The following GYPE variants were observed in gnomAD, a reference collection of about 807,000 sequenced individuals.
GYPE encodes the protein glycophorin-E.
A neutral mutation model predicts 11.6 loss-of-function variants in GYPE; 8 were observed. The ratio of observed to expected loss-of-function variants is 0.69; its 90% CI spans 0.41 to 1.25. The LOEUF (loss-of-function observed/expected upper bound fraction) is 1.25, where lower values mean the gene tolerates loss of function less well. GYPE is among the 50% of genes most tolerant of loss of function. GYPE has a pLI of 0.01. For synonymous variants in GYPE, 28 were observed against 29.6 expected (o/e 0.94, Z 0.18); for missense variants, 90 against 92.8 (o/e 0.97, Z 0.12).
chr4:143,901,433 T>C lies in GYPE; in HGVS notation c.37+4038A>G, dbSNP rs201117024. On this transcript the variant is annotated intron_variant, in intron 1 of 3. Transcript: ENST00000358615. ...AGTATTTAAAATGAGAAAAAAAAAA[T>C]AAAATCTTACAATCCCAACACTCAG... Among the ~76,000 whole-genome samples the C allele has an allele frequency of 4.1e-5, 5 of 121,498 alleles. No individual in the cohort carries two copies. In the East Asian group the frequency reaches 9.9e-4, roughly 24 times the overall value. 79.7% of individuals were successfully genotyped at this position (121,498 alleles called of 152,430 possible). A position where few individuals can be genotyped will look rare whatever the true frequency, so the allele number is the denominator to read the frequency against.
intron 1 of GYPE, among the ~76,000 whole-genome samples, chr4:143,903,946 G>A (rs190073406): frequency 6.6e-6 from 1 of 152,048 alleles, no homozygotes; most frequent in African/African-American, 2.4e-5. Flanking sequence ...ATCCAGTTTG[G>A]TTTGCCCCAT....
intron 1 of GYPE, among the ~76,000 whole-genome samples, chr4:143,883,550 TAA>T (rs1560941736): frequency 5.5e-4 from 10 of 18,080 alleles, no homozygotes; most frequent in African/African-American, 1.3e-3. Context: ...AATTATAAAT[TAA>T]TTTATAATTA....
intron 1 of GYPE, among the ~76,000 whole-genome samples, chr4:143,891,457 T>A (rs1191868557): frequency 6.6e-6 from 1 of 151,104 alleles, no homozygotes; most frequent in African/African-American, 2.4e-5. Flanking sequence ...GCCTCCCAAG[T>A]AGCTGGGACT....
intron 2 of GYPE, among the ~76,000 whole-genome samples, chr4:143,877,591 A>C (rs1459665137): frequency 3.3e-5 from 5 of 152,188 alleles, no homozygotes; most frequent in East Asian, 1.9e-4. Flanking sequence ...GCTAGACATA[A>C]AGGTAAAATG....
At chr4:143,872,427 AT>A (rs946508809) in intron 3 of GYPE, among the ~76,000 whole-genome samples, 175 bp from the exon 4 acceptor site, 3 of 151,998 alleles carry the variant, frequency 2.0e-5, no homozygotes, top group Non-Finnish European at 4.4e-5. Context: ...TAAAAAATTA[AT>A]TTTTTTTACC....
At chr4:143,904,151 G>C (rs1181996379) in intron 1 of GYPE, among the ~76,000 whole-genome samples, 6 of 151,452 alleles carry the variant, frequency 4.0e-5, no homozygotes, top group Admixed American at 3.9e-4. Context: ...TTTTCTCTCT[G>C]ACTTTTCAGA....
chr4:143,884,872 T>C (rs1423649155), intron 1 of GYPE, among the ~76,000 whole-genome samples: 2 of 96,888 alleles, frequency 2.1e-5, no homozygotes, highest in Non-Finnish European at 4.4e-5. Flanking sequence ...CACCAAATGC[T>C]GTGGGCCATG....
intron 1 of GYPE, among the ~76,000 whole-genome samples, chr4:143,898,382 T>C (rs1744741714): frequency 6.6e-6 from 1 of 152,084 alleles, no homozygotes; most frequent in Non-Finnish European, 1.5e-5. Flanking sequence ...ATCTTCAAAA[T>C]AAATCAATAA....
At chr4:143,905,210 A>G (rs1483242951) in intron 1 of GYPE, among the ~76,000 whole-genome samples, 1 of 152,234 alleles carries the variant, frequency 6.6e-6, no homozygotes, top group Non-Finnish European at 1.5e-5. Flanking sequence ...TGATAAAATT[A>G]GTTTAATTCT....
intron 3 of GYPE, chr4:143,875,318 T>G (rs1578951271): frequency 1.4e-6 from 1 of 719,728 alleles, no homozygotes; most frequent in Non-Finnish European, 2.3e-6. Context: ...ATGCAAATAA[T>G]TTGTATTTTG....
chr4:143,902,142 G>C (rs1744889941), intron 1 of GYPE, among the ~76,000 whole-genome samples: 1 of 152,110 alleles, frequency 6.6e-6, no homozygotes, highest in Middle Eastern at 3.4e-3. Context: ...CAAAATTCTG[G>C]TCATTTGTCA....
chr4:143,885,164 G>A (rs2149908756), intron 1 of GYPE, among the ~76,000 whole-genome samples: 1 of 152,152 alleles, frequency 6.6e-6, no homozygotes, highest in Admixed American at 6.6e-5. Context: ...AAAGGGGGCA[G>A]AAAATTACAG....
intron 1 of GYPE, among the ~76,000 whole-genome samples, chr4:143,882,632 CATGGG>C (rs1314406760): frequency 6.6e-6 from 1 of 152,202 alleles, no homozygotes; most frequent in Non-Finnish European, 1.5e-5. Flanking sequence ...GGCTCAGCTA[CATGGG>C]AATACAACTG....
At chr4:143,874,338 G>C (rs1743718452) in intron 3 of GYPE, among the ~76,000 whole-genome samples, 1 of 151,888 alleles carries the variant, frequency 6.6e-6, no homozygotes, top group African/African-American at 2.4e-5. Flanking sequence ...ATGTAGAACT[G>C]TCTGCAATCT....
chr4:143,883,668 AT>A (rs1744142763), intron 1 of GYPE, among the ~76,000 whole-genome samples: 1 of 147,956 alleles, frequency 6.8e-6, no homozygotes, highest in Non-Finnish European at 1.5e-5. Context: ...TTAATTTATA[AT>A]TAATAAATTT....
At chr4:143,884,900 T>G (rs199640732) in intron 1 of GYPE, among the ~76,000 whole-genome samples, 1 of 103,124 alleles carries the variant, frequency 9.7e-6, no homozygotes, top group East Asian at 3.5e-4. Flanking sequence ...ATTTGGACTT[T>G]ATCTTTAAGG....
chr4:143,875,636 G>C (rs548351494), intron 3 of GYPE: 16 of 1,416,928 alleles, frequency 1.1e-5, no homozygotes, highest in Admixed American at 2.1e-5. Context: ...GCTTCTAAAG[G>C]GTACCTAGGG....
chr4:143,873,457 A>G, intron 3 of GYPE: 1 of 455,764 alleles, frequency 2.2e-6, no homozygotes, highest in Non-Finnish European at 4.4e-6. Flanking sequence ...AGAGCAAATT[A>G]TGTTACCAAT....
At chr4:143,894,963 T>A (rs1184140162) in intron 1 of GYPE, among the ~76,000 whole-genome samples, 3 of 152,180 alleles carry the variant, frequency 2.0e-5, no homozygotes, top group Non-Finnish European at 2.9e-5. Context: ...AACTCTTTCA[T>A]GCTAAAAACT....
Sources: allele counts gnomAD v4.1 joint callset (sites outside exome capture counted in the v4.1 genomes callset), GRCh38; gene constraint gnomAD v4.1.1; transcripts MANE v1.5; gene names NCBI Gene and HGNC (gene_info 2026-07-23, HGNC 2026-07-21).